Variants in GSE1 observed in about 807,000 individuals in gnomAD.
GSE1 encodes genetic suppressor element 1.
Under a neutral mutation model 112.6 loss-of-function variants are expected in GSE1, and 32 were observed. The observed-to-expected ratio is 0.28, with a 90% CI of 0.21 to 0.38. The LOEUF (loss-of-function observed/expected upper bound fraction) is 0.38. GSE1 is among the 10% of genes least tolerant of loss of function. The pLI is 1.00. For synonymous variants in GSE1, 1,115 were observed against 735.6 expected, an observed-to-expected ratio of 1.52 and a Z score of -8.35; for missense variants, 2,348 against 1,699.2, an observed-to-expected ratio of 1.38 and a Z score of -6.71.
At chr16:85,670,290 G>T (rs1274331380) in intron 14 of GSE1, among the ~76,000 whole-genome samples, 2 of 152,198 alleles carry the variant, frequency 1.3e-5, no homozygotes, top group Non-Finnish European at 2.9e-5. Context: ...TGCTGCCAAA[G>T]AGAGGCACTG....
upstream of GSE1, among the ~76,000 whole-genome samples, chr16:85,607,288 A>AG (rs368664168): frequency 9.2e-5 from 14 of 152,160 alleles, no homozygotes; most frequent in African/African-American, 3.1e-4. Context: ...GGTTGGTAGC[A>AG]GGGGTATTCT....
intron 2 of GSE1, among the ~76,000 whole-genome samples, chr16:85,467,696 C>G (rs1032508482): frequency 1.3e-5 from 2 of 152,176 alleles, no homozygotes; most frequent in Non-Finnish European, 2.9e-5. Context: ...AGGGATCACG[C>G]AGCATCACTT....
chr16:85,341,447 T>G (rs1476010167), intron 1 of GSE1, among the ~76,000 whole-genome samples: 1 of 152,116 alleles, frequency 6.6e-6, no homozygotes, highest in East Asian at 1.9e-4. Context: ...CACTTGAGGT[T>G]AGGAGTTTGA....
chr16:85,440,731 G>A lies in GSE1; in HGVS notation c.2464+83088G>A, dbSNP rs79586626. ...CTGAGGCCCCAGGAACCATCACGGG[G>A]GCACAGCGCGGCCTGGAATATGCCC... On this transcript the variant is annotated intron_variant, in intron 2 of 2. Coordinates refer to the GSE1 transcript ENST00000637419. Among the ~76,000 whole-genome samples the A allele has an allele frequency of 5.4e-3, 821 of 152,336 alleles. 7 individuals carry two copies. Among genetic ancestry groups the A allele is most frequent in the African/African-American group, 0.018 (750 of 41,564 alleles).
intron 1 of GSE1, among the ~76,000 whole-genome samples, chr16:85,203,868 G>A (rs1422673499): frequency 1.3e-5 from 2 of 152,176 alleles, no homozygotes; most frequent in African/African-American, 4.8e-5. Flanking sequence ...CTCCTGAGTA[G>A]CTGGGACTAC....
chr16:85,446,721 A>T (rs2049524249), intron 2 of GSE1, among the ~76,000 whole-genome samples: 1 of 152,172 alleles, frequency 6.6e-6, no homozygotes, highest in South Asian at 2.1e-4. Context: ...ACGGAGGAAC[A>T]AGGGAAGAGC....
intron 2 of GSE1, among the ~76,000 whole-genome samples, chr16:85,400,871 G>A (rs532988067): frequency 5.9e-5 from 9 of 152,048 alleles, no homozygotes; most frequent in Admixed American, 4.6e-4. Context: ...TGTATGTTGT[G>A]TGTGTCTCTG....
intron 2 of GSE1, among the ~76,000 whole-genome samples, chr16:85,379,261 A>C (rs1286123300): frequency 2.0e-5 from 3 of 152,194 alleles, no homozygotes; most frequent in Non-Finnish European, 4.4e-5. Context: ...ATCAACTCCA[A>C]TCCTGGTCTG....
At chr16:85,497,893 A>T (rs957532457) in intron 2 of GSE1, among the ~76,000 whole-genome samples, 1 of 152,124 alleles carries the variant, frequency 6.6e-6, no homozygotes, top group Admixed American at 6.5e-5. Flanking sequence ...CGCTCTTGTT[A>T]TCCCCTTTTT....
chr16:85,569,328 C>T (rs924469655), intron 1 of GSE1, among the ~76,000 whole-genome samples: 1 of 152,224 alleles, frequency 6.6e-6, no homozygotes, highest in African/African-American at 2.4e-5. Context: ...TGACCTACCA[C>T]TGTAGCTCTT....
intron 1 of GSE1, among the ~76,000 whole-genome samples, chr16:85,590,170 GAC>G (rs1415342071): frequency 4.6e-5 from 7 of 152,086 alleles, no homozygotes; most frequent in African/African-American, 1.7e-4. Flanking sequence ...GAATGTGTGT[GAC>G]ATTGTGTATG....
In GSE1 at chr16:85,657,485, G is replaced by A. The variant is rs745933218; in HGVS notation, c.1521G>A (p.Glu507=). ...WLARQRRLRQ[E]KEDRQSQVSE... ...CGCGGCAGCGGCGGCTGCGGCAGGA[G>A]AAGGAGGACCGGCAGTCTCAGGTGT... Residue 507 remains glutamate (E), a synonymous_variant, in exon 8 of 16, where the codon GAG becomes GAA. Coordinates refer to ENST00000253458, the MANE Select transcript of GSE1 (RefSeq NM_014615.5). 2 of 1,607,846 alleles carry A rather than the reference G, an allele frequency of 1.2e-6. No individual in the cohort carries two copies. The highest frequency in any genetic ancestry group is 1.7e-4 in the Middle Eastern group (1 of 6,046).
At chr16:85,652,275 T>G (rs945479362) in intron 3 of GSE1, among the ~76,000 whole-genome samples, 2 of 152,150 alleles carry the variant, frequency 1.3e-5, no homozygotes, top group African/African-American at 4.8e-5. Context: ...GATGGCCAGG[T>G]CTCCCAAGGT....
intron 2 of GSE1, among the ~76,000 whole-genome samples, chr16:85,363,819 G>C (rs1301711533): frequency 1.3e-5 from 2 of 152,086 alleles, no homozygotes; most frequent in Non-Finnish European, 2.9e-5. Context: ...CTGGCAGGGT[G>C]GGTGGGAGCT....
chr16:85,409,473 GC>G (rs1163186555), intron 2 of GSE1, among the ~76,000 whole-genome samples: 1 of 10,098 alleles, frequency 9.9e-5, no homozygotes, highest in African/African-American at 1.5e-4. Flanking sequence ...TTACTCTCAG[GC>G]CCCCCTGGAT....
intron 1 of GSE1, among the ~76,000 whole-genome samples, chr16:85,320,610 T>A (rs569249481): frequency 6.6e-6 from 1 of 152,218 alleles, no homozygotes; most frequent in South Asian, 2.1e-4. Flanking sequence ...CCTCTCTTCT[T>A]ACAGAAACAC....
At chr16:85,651,887 G>GGGGGGCC (rs1380530184) in intron 3 of GSE1, among the ~76,000 whole-genome samples, 1 of 152,222 alleles carries the variant, frequency 6.6e-6, no homozygotes, top group Non-Finnish European at 1.5e-5. Context: ...CTTGGATGCT[G>GGGGGGCC]GGGGGCCAGG....
At chr16:85,517,852 G>A (rs961969145) in intron 2 of GSE1, among the ~76,000 whole-genome samples, 9 of 152,262 alleles carry the variant, frequency 5.9e-5, no homozygotes, top group African/African-American at 2.4e-5. Context: ...CGTGAAGAAC[G>A]ACAAGCGGAG....
intron 2 of GSE1, among the ~76,000 whole-genome samples, chr16:85,497,271 G>A (rs1390266717): frequency 6.6e-6 from 1 of 152,186 alleles, no homozygotes. Flanking sequence ...CGCACCTCTG[G>A]TGTTAGACCT....
Sources: gnomAD v4.1 joint callset for allele counts (sites outside exome capture counted in the v4.1 genomes callset) on GRCh38, gnomAD v4.1.1 for gene constraint, MANE v1.5 for transcripts, NCBI Gene and HGNC (gene_info 2026-07-23, HGNC 2026-07-21) for gene names.